The following ZNF385D variants were observed in gnomAD, a reference collection of about 807,000 sequenced individuals.
ZNF385D encodes zinc finger protein 659.
ZNF385D carries 15 observed loss-of-function variants against 35.8 expected under a neutral mutation model. The observed-to-expected ratio is 0.42, with a 90% CI of 0.28 to 0.64. The LOEUF (loss-of-function observed/expected upper bound fraction) is 0.64, where lower values mean the gene tolerates loss of function less well. Among genes scored for constraint, ZNF385D ranks in the 30% least tolerant of loss-of-function variants. The pLI is 0.23. For synonymous variants in ZNF385D, 212 were observed against 186.8 expected, an observed-to-expected ratio of 1.13 and a Z score of -1.10; for missense variants, 474 against 494.6, an observed-to-expected ratio of 0.96 and a Z score of 0.39.
intron 3 of ZNF385D, among the ~76,000 whole-genome samples, chr3:21,807,731 G>A (rs1275669647): frequency 1.3e-5 from 2 of 152,100 alleles, no homozygotes; most frequent in Non-Finnish European, 2.9e-5. Context: ...AGCATCATTT[G>A]TATAATTTCT....
intron 2 of ZNF385D, among the ~76,000 whole-genome samples, chr3:21,567,344 A>G (rs552131467): frequency 3.9e-5 from 6 of 152,296 alleles, no homozygotes; most frequent in African/African-American, 1.2e-4. Context: ...ATATACTGCC[A>G]AGTCCCTCAC....
intron 1 of ZNF385D, among the ~76,000 whole-genome samples, chr3:21,705,018 A>T (rs1367590067): frequency 1.3e-5 from 2 of 152,100 alleles, no homozygotes; most frequent in African/African-American, 4.8e-5. Context: ...GGCAGTTGGG[A>T]CTCAACTCCA....
At chr3:21,599,366 A>C (rs917209338) in intron 2 of ZNF385D, among the ~76,000 whole-genome samples, 1 of 152,218 alleles carries the variant, frequency 6.6e-6, no homozygotes, top group African/African-American at 2.4e-5. Flanking sequence ...TAAAGAAATA[A>C]AAACATTAAA....
intron 2 of ZNF385D, among the ~76,000 whole-genome samples, chr3:22,326,098 A>G (rs1694666070): frequency 6.6e-6 from 1 of 152,132 alleles, no homozygotes. Context: ...CCTTCCAGGA[A>G]GTTCCTAAAG....
intron 3 of ZNF385D, among the ~76,000 whole-genome samples, chr3:21,900,502 A>T (rs1699347984): frequency 6.6e-6 from 1 of 152,250 alleles, no homozygotes; most frequent in East Asian, 1.9e-4. Flanking sequence ...AAAAATGTCA[A>T]TTTAAATATA....
chr3:22,080,752 G>T (rs1184915016), intron 3 of ZNF385D, among the ~76,000 whole-genome samples: 2 of 152,038 alleles, frequency 1.3e-5, no homozygotes, highest in Non-Finnish European at 2.9e-5. Flanking sequence ...GGGCCTTTGG[G>T]GGGCAATTAG....
intron 1 of ZNF385D, among the ~76,000 whole-genome samples, chr3:21,728,594 C>T (rs1473258213): frequency 6.6e-6 from 1 of 152,132 alleles, no homozygotes; most frequent in East Asian, 1.9e-4. Flanking sequence ...CAGTATACAT[C>T]AGTTGCTTTT....
chr3:22,240,760 T>C (rs557660980), intron 2 of ZNF385D, among the ~76,000 whole-genome samples: 8 of 151,046 alleles, frequency 5.3e-5, no homozygotes, highest in Non-Finnish European at 1.0e-4. Context: ...TACTTGTATA[T>C]GTCTCCAGAC....
intron 2 of ZNF385D, among the ~76,000 whole-genome samples, chr3:21,630,205 CTTTTTT>C (rs34565673): frequency 7.1e-6 from 1 of 141,026 alleles, no homozygotes; most frequent in African/African-American, 2.6e-5. Flanking sequence ...TCTTTTCTTT[CTTTTTT>C]TTTTTTTTGA....
intron 1 of ZNF385D, among the ~76,000 whole-genome samples, chr3:21,679,857 A>G (rs540578513): frequency 6.6e-6 from 1 of 152,178 alleles, no homozygotes; most frequent in African/African-American, 2.4e-5. Flanking sequence ...GTCATCCTAT[A>G]TGGAAATACC....
rs558232192 is a variant in ZNF385D at position 21,739,606 on chromosome 3, T to C, written c.22+11289A>G. 1.6e-4 allele frequency among the ~76,000 whole-genome samples: 25 copies of C among 152,298 alleles called. No individual in the cohort carries two copies. In the South Asian group the frequency reaches 3.9e-3, roughly 24 times the overall value. On this transcript the variant is annotated intron_variant, in intron 1 of 7. Coordinates refer to ENST00000281523, the MANE Select transcript of ZNF385D (RefSeq NM_024697.3). Reference sequence around the variant, plus strand: ...AGCAGCGAACAAAAAAACATTAGTATTGATGTTCGGGGTAGGCAAAGTGTA... The same window carrying C: ...AGCAGCGAACAAAAAAACATTAGTACTGATGTTCGGGGTAGGCAAAGTGTA...
chr3:22,144,959 G>T (rs1704754454), intron 3 of ZNF385D, among the ~76,000 whole-genome samples: 1 of 151,548 alleles, frequency 6.6e-6, no homozygotes, highest in Non-Finnish European at 1.5e-5. Flanking sequence ...TATTTAATAG[G>T]TAATCATAAT....
intron 3 of ZNF385D, among the ~76,000 whole-genome samples, chr3:21,922,136 G>C (rs574652166): frequency 7.0e-6 from 1 of 143,480 alleles, no homozygotes; most frequent in Non-Finnish European, 1.5e-5. Flanking sequence ...AGAAATCATA[G>C]ATAACATGAC....
At chr3:21,741,446 T>C (rs1325094072) in intron 1 of ZNF385D, among the ~76,000 whole-genome samples, 1 of 152,188 alleles carries the variant, frequency 6.6e-6, no homozygotes, top group African/African-American at 2.4e-5. Context: ...GGGCAGCTAA[T>C]TAAAACACGT....
intron 2 of ZNF385D, among the ~76,000 whole-genome samples, chr3:22,347,326 G>A (rs967544679): frequency 1.3e-5 from 2 of 152,132 alleles, no homozygotes; most frequent in African/African-American, 4.8e-5. Context: ...GTTATTTCAG[G>A]TCAAACCACT....
chr3:21,916,952 A>C (rs35828697), intron 3 of ZNF385D, among the ~76,000 whole-genome samples: 18,160 of 151,866 alleles, frequency 0.12, 1,451 homozygotes, highest in South Asian at 0.27. Flanking sequence ...GCTCCCCCAC[A>C]CTCCCACTGC....
intron 3 of ZNF385D, among the ~76,000 whole-genome samples, chr3:21,912,926 G>C (rs967153275): frequency 6.6e-6 from 1 of 151,984 alleles, no homozygotes; most frequent in African/African-American, 2.4e-5. Flanking sequence ...CTAAGAAATT[G>C]AAACGGTACT....
chr3:21,720,792 CT>C (rs1427135210), intron 1 of ZNF385D, among the ~76,000 whole-genome samples: 2 of 152,156 alleles, frequency 1.3e-5, no homozygotes, highest in Non-Finnish European at 2.9e-5. Context: ...CATGAGTCCT[CT>C]GGCATTTAAT....
chr3:22,113,384 T>C (rs976083381), intron 3 of ZNF385D, among the ~76,000 whole-genome samples: 2 of 152,084 alleles, frequency 1.3e-5, no homozygotes, highest in Non-Finnish European at 2.9e-5. Context: ...TTATATAGTG[T>C]TTAAATTTCT....
Sources: allele counts gnomAD v4.1 joint callset (sites outside exome capture counted in the v4.1 genomes callset), GRCh38; gene constraint gnomAD v4.1.1; transcripts MANE v1.5; gene names NCBI Gene and HGNC (gene_info 2026-07-23, HGNC 2026-07-21).